Variants in RGS6 observed in about 807,000 individuals in gnomAD.
The protein encoded by RGS6 is regulator of G-protein signaling 6.
A neutral mutation model predicts 78.5 loss-of-function variants in RGS6; 30 were observed. The observed-to-expected ratio is 0.38, with a 90% CI of 0.29 to 0.52. RGS6 has a LOEUF of 0.52. RGS6 is among the 20% of genes least tolerant of loss of function. The probability of loss-of-function intolerance (pLI) is 0.85; values close to 1 mark genes in which losing one functional copy is unlikely to be tolerated. For missense variants in RGS6, 495 were observed against 609.7 expected, an observed-to-expected ratio of 0.81 and a Z score of 1.98; for synonymous variants, 206 against 206.0, an observed-to-expected ratio of 1.00 and a Z score of 0.00.
chr14:72,084,163 T>G (rs183299857), intron 2 of RGS6, among the ~76,000 whole-genome samples: 30 of 152,332 alleles, frequency 2.0e-4, no homozygotes, highest in African/African-American at 7.0e-4. Flanking sequence ...GGTTTCAGGA[T>G]GAAACTGTTC....
At chr14:71,915,833 A>G in the RGS6 span, among the ~76,000 whole-genome samples, 1 of 152,204 alleles carries the variant, frequency 6.6e-6, no homozygotes, top group Non-Finnish European at 1.5e-5. Context: ...TGACGTTGTT[A>G]GGATGGGCCT....
chr14:72,236,894 G>A (rs1041099803), intron 2 of RGS6, among the ~76,000 whole-genome samples: 3 of 152,218 alleles, frequency 2.0e-5, no homozygotes, highest in South Asian at 2.1e-4. Flanking sequence ...GGGCAAAGGT[G>A]CTCCTGCTTC....
the RGS6 span, among the ~76,000 whole-genome samples, chr14:72,591,824 AAGG>A: frequency 1.2e-4 from 18 of 152,322 alleles, no homozygotes; most frequent in African/African-American, 3.6e-4. Context: ...ATCTAGCCTG[AAGG>A]GTTGGGTATC....
intron 2 of RGS6, among the ~76,000 whole-genome samples, chr14:72,277,401 T>A (rs2060853068): frequency 6.6e-6 from 1 of 151,568 alleles, no homozygotes; most frequent in African/African-American, 2.4e-5. Context: ...ATCGAGACCA[T>A]CCTGGCCAAC....
At chr14:72,166,048 C>G (rs932082537) in intron 2 of RGS6, among the ~76,000 whole-genome samples, 1 of 151,212 alleles carries the variant, frequency 6.6e-6, no homozygotes, top group Non-Finnish European at 1.5e-5. Flanking sequence ...ATTTATCTTT[C>G]CTATGCAAAT....
At chr14:72,586,125 T>A in the RGS6 span, among the ~76,000 whole-genome samples, 10 of 152,204 alleles carry the variant, frequency 6.6e-5, no homozygotes, top group African/African-American at 2.4e-4. Flanking sequence ...TCCTGATCTA[T>A]CCCCACTCCT....
chr14:72,562,371 C>CTG, intron 17 of RGS6, 46 bp from the exon 18 acceptor site: 1 of 1,582,070 alleles, frequency 6.3e-7, no homozygotes, highest in South Asian at 1.1e-5. Flanking sequence ...CTCTGTCCCT[C>CTG]TGTGTGTGCG....
At chr14:72,002,064 G>T (rs1235224096) in intron 2 of RGS6, among the ~76,000 whole-genome samples, 4 of 151,844 alleles carry the variant, frequency 2.6e-5, no homozygotes, top group African/African-American at 2.4e-5. Flanking sequence ...CACCATGCCT[G>T]GCTAATTTTT....
chr14:72,051,965 G>T (rs754383887), intron 2 of RGS6, among the ~76,000 whole-genome samples: 12 of 152,140 alleles, frequency 7.9e-5, no homozygotes, highest in Non-Finnish European at 1.3e-4. Flanking sequence ...CTAGGTGGAT[G>T]GTTTGCTTTC....
intron 2 of RGS6, among the ~76,000 whole-genome samples, chr14:72,273,153 A>C (rs1223676171): frequency 6.6e-6 from 1 of 151,792 alleles, no homozygotes; most frequent in East Asian, 1.9e-4. Context: ...AGAAAGAAAG[A>C]AAATTGACTT....
chr14:72,491,458 T>C (rs1385386069), intron 12 of RGS6, among the ~76,000 whole-genome samples: 1 of 152,182 alleles, frequency 6.6e-6, no homozygotes, highest in Non-Finnish European at 1.5e-5. Context: ...TTTCCTCAAA[T>C]GCAACATGTC....
At chr14:72,606,000 C>G in the RGS6 span, among the ~76,000 whole-genome samples, 1 of 152,178 alleles carries the variant, frequency 6.6e-6, no homozygotes, top group South Asian at 2.1e-4. Context: ...AGTTGGGGCT[C>G]AAGGCTCAAG....
chr14:72,017,177 C>T (rs1483718392), intron 2 of RGS6, among the ~76,000 whole-genome samples: 1 of 152,148 alleles, frequency 6.6e-6, no homozygotes, highest in Non-Finnish European at 1.5e-5. Flanking sequence ...GCTGTGACTA[C>T]AGGTGCTCAC....
chr14:72,383,457 T>C (rs988192618), intron 3 of RGS6, among the ~76,000 whole-genome samples: 1 of 152,018 alleles, frequency 6.6e-6, no homozygotes, highest in Non-Finnish European at 1.5e-5. Context: ...TGTATTATTT[T>C]GGGTGTTGTG....
At chr14:72,298,815 T>C (rs183944716) in intron 2 of RGS6, among the ~76,000 whole-genome samples, 15 of 152,322 alleles carry the variant, frequency 9.8e-5, no homozygotes, top group Admixed American at 9.1e-4. Flanking sequence ...ATTGGAAATG[T>C]TCTCTCCTCT....
intron 2 of RGS6, among the ~76,000 whole-genome samples, chr14:72,280,875 T>C (rs961462607): frequency 6.6e-6 from 1 of 152,164 alleles, no homozygotes; most frequent in African/African-American, 2.4e-5. Flanking sequence ...AAATGCCTCG[T>C]CCCACAGAAA....
chr14:72,598,894 G>A, the RGS6 span, among the ~76,000 whole-genome samples: 2 of 152,228 alleles, frequency 1.3e-5, no homozygotes, highest in Non-Finnish European at 2.9e-5. Context: ...GGAGAAGGAA[G>A]AGACCAGGCA....
chr14:72,100,609 T>C (rs2095508870), intron 2 of RGS6, among the ~76,000 whole-genome samples: 1 of 152,222 alleles, frequency 6.6e-6, no homozygotes, highest in African/African-American at 2.4e-5. Flanking sequence ...GACTTTCAGT[T>C]GAAGATGTCA....
At chr14:71,961,807 T>A (rs1308907477) in intron 1 of RGS6, among the ~76,000 whole-genome samples, 1 of 152,096 alleles carries the variant, frequency 6.6e-6, no homozygotes, top group East Asian at 1.9e-4. Flanking sequence ...TTACTGTGTG[T>A]ATATATATGT....
Sources: gnomAD v4.1 joint callset for allele counts (sites outside exome capture counted in the v4.1 genomes callset) on GRCh38, gnomAD v4.1.1 for gene constraint, MANE v1.5 for transcripts, NCBI Gene and HGNC (gene_info 2026-07-23, HGNC 2026-07-21) for gene names.